Variants in SUPT3H observed in about 807,000 individuals in gnomAD.
SUPT3H encodes SPT3 homolog, SAGA and STAGA complex component, also known as transcription initiation protein SPT3 homolog.
A neutral mutation model predicts 44.3 loss-of-function variants in SUPT3H; 44 were observed. The ratio of observed to expected loss-of-function variants is 0.99; its 90% CI spans 0.78 to 1.28. The LOEUF (loss-of-function observed/expected upper bound fraction) is 1.28. SUPT3H is among the 50% of genes most tolerant of loss of function. SUPT3H has a pLI of 0.00. For missense variants in SUPT3H, 380 were observed against 387.1 expected (o/e 0.98, Z 0.15); for synonymous variants, 124 against 125.6 (o/e 0.99, Z 0.09).
chr6:45,354,457 T>C (rs779691756), intron 2 of SUPT3H, among the ~76,000 whole-genome samples: 27 of 152,152 alleles, frequency 1.8e-4, no homozygotes, highest in Non-Finnish European at 3.1e-4. Flanking sequence ...AAAGGAATCA[T>C]AGATGCTTTT....
At position 45,262,891 on chromosome 6, in the gene SUPT3H, T is replaced by C. The variant is rs141878208; in HGVS notation, c.101+102310A>G. On this transcript the variant is annotated intron_variant, in intron 2 of 10. Coordinates refer to ENST00000371459, the MANE Select transcript of SUPT3H (RefSeq NM_003599.4). The stretch of plus-strand genomic sequence containing the variant: ...AGCCAACAAATATATGAGAAAATGC[T>C]CAACATCACTAATTATTAGATAAAT... Among the ~76,000 whole-genome samples the C allele has an allele frequency of 2.1e-3, 326 of 152,140 alleles. 1 individual carries two copies. The highest frequency in any genetic ancestry group is 7.5e-3 in the African/African-American group (312 of 41,494).
At chr6:44,913,983 A>T (rs937648217) in intron 10 of SUPT3H, among the ~76,000 whole-genome samples, 9 of 152,144 alleles carry the variant, frequency 5.9e-5, no homozygotes, top group African/African-American at 2.2e-4. Context: ...TAAAATAGTC[A>T]CATGAGTAAA....
chr6:44,903,630 G>A (rs1765483367), intron 10 of SUPT3H, among the ~76,000 whole-genome samples: 1 of 152,164 alleles, frequency 6.6e-6, no homozygotes, highest in Admixed American at 6.5e-5. Context: ...CATTCCTTCT[G>A]AAAGTATTCC....
chr6:45,313,596 T>G (rs1445679734), intron 2 of SUPT3H, among the ~76,000 whole-genome samples: 1 of 150,582 alleles, frequency 6.6e-6, no homozygotes, highest in African/African-American at 2.4e-5. Flanking sequence ...TAAGGAAGAA[T>G]TAGATACCTT....
chr6:45,311,344 T>C (rs1392030142), intron 2 of SUPT3H, among the ~76,000 whole-genome samples: 1 of 152,206 alleles, frequency 6.6e-6, no homozygotes, highest in Non-Finnish European at 1.5e-5. Flanking sequence ...GAATAATCAG[T>C]GTTCCTGAGG....
chr6:44,949,384 T>C (rs1348134428), intron 9 of SUPT3H, among the ~76,000 whole-genome samples: 1 of 150,854 alleles, frequency 6.6e-6, no homozygotes, highest in Non-Finnish European at 1.5e-5. Flanking sequence ...GAACTTAAAG[T>C]ATAATTAACA....
intron 2 of SUPT3H, among the ~76,000 whole-genome samples, chr6:45,307,595 A>G (rs1264412809): frequency 1.3e-5 from 2 of 152,246 alleles, no homozygotes; most frequent in East Asian, 1.9e-4. Flanking sequence ...CAGAAAGGAC[A>G]TTCACACCAA....
intron 2 of SUPT3H, among the ~76,000 whole-genome samples, chr6:45,155,356 T>G (rs989003690): frequency 4.6e-5 from 7 of 152,066 alleles, no homozygotes; most frequent in African/African-American, 1.7e-4. Context: ...AGAACCATCT[T>G]AAGTTAATAT....
intron 2 of SUPT3H, among the ~76,000 whole-genome samples, chr6:45,140,415 C>T (rs1164432524): frequency 6.6e-6 from 1 of 152,186 alleles, no homozygotes; most frequent in Non-Finnish European, 1.5e-5. Flanking sequence ...ACTACTGCTA[C>T]AGCTGGCACT....
intron 3 of SUPT3H, among the ~76,000 whole-genome samples, chr6:45,060,815 G>A (rs1791886021): frequency 6.6e-6 from 1 of 152,148 alleles, no homozygotes; most frequent in African/African-American, 2.4e-5. Context: ...CTGAAAAGAA[G>A]ACATTCTTGT....
chr6:45,356,217 AG>A (rs1352527295), intron 2 of SUPT3H, among the ~76,000 whole-genome samples: 4 of 152,150 alleles, frequency 2.6e-5, no homozygotes, highest in African/African-American at 9.7e-5. Flanking sequence ...TTCACAGCTA[AG>A]GTTTTTTTTA....
intron 2 of SUPT3H, among the ~76,000 whole-genome samples, chr6:45,177,418 G>A (rs1405282689): frequency 6.6e-6 from 1 of 152,182 alleles, no homozygotes; most frequent in Non-Finnish European, 1.5e-5. Context: ...ATGGGACTAT[G>A]TGAAAAGACC....
chr6:44,990,980 G>A (rs1259079367), intron 6 of SUPT3H, among the ~76,000 whole-genome samples: 1 of 151,832 alleles, frequency 6.6e-6, no homozygotes, highest in East Asian at 1.9e-4. Context: ...TCTAAAGTTT[G>A]TTTTCCTAAA....
intron 10 of SUPT3H, among the ~76,000 whole-genome samples, chr6:44,892,795 G>A (rs1322235008): frequency 6.6e-6 from 1 of 152,088 alleles, no homozygotes; most frequent in Non-Finnish European, 1.5e-5. Flanking sequence ...CAGGCCTCTT[G>A]ACTTCTGCTC....
chr6:45,150,728 T>TTG (rs1482434182), intron 2 of SUPT3H, among the ~76,000 whole-genome samples: 3 of 140,646 alleles, frequency 2.1e-5, no homozygotes, highest in South Asian at 2.3e-4. Flanking sequence ...GCGTTTTTTT[T>TTG]TTTTTTTTTT....
intron 2 of SUPT3H, among the ~76,000 whole-genome samples, chr6:45,180,988 C>A (rs985895571): frequency 2.6e-5 from 4 of 151,080 alleles, no homozygotes; most frequent in African/African-American, 9.7e-5. Context: ...GGGCTAATAT[C>A]CAGAATCTAC....
At chr6:45,362,531 A>T (rs1470865324) in intron 2 of SUPT3H, among the ~76,000 whole-genome samples, 1 of 152,216 alleles carries the variant, frequency 6.6e-6, no homozygotes, top group African/African-American at 2.4e-5. Context: ...TACAATCAAA[A>T]GCCTAAAAAT....
chr6:45,331,122 TGTGTGC>T (rs754946676), intron 2 of SUPT3H, among the ~76,000 whole-genome samples: 19 of 149,914 alleles, frequency 1.3e-4, no homozygotes, highest in African/African-American at 3.3e-4. Flanking sequence ...TGTGTGTGTG[TGTGTGC>T]GCGCGCGCGC....
intron 3 of SUPT3H, among the ~76,000 whole-genome samples, chr6:45,067,232 A>G (rs1420710900): frequency 6.9e-6 from 1 of 144,214 alleles, no homozygotes; most frequent in Admixed American, 7.1e-5. Context: ...CTATTTAATA[A>G]ATGGTGTTGG....
Sources: gnomAD v4.1 joint callset for allele counts (sites outside exome capture counted in the v4.1 genomes callset) on GRCh38, gnomAD v4.1.1 for gene constraint, MANE v1.5 for transcripts, NCBI Gene and HGNC (gene_info 2026-07-23, HGNC 2026-07-21) for gene names.